Variants in KLRG1 observed in about 807,000 individuals in gnomAD.
KLRG1 encodes killer cell lectin-like receptor subfamily G member 1.
Under a neutral mutation model 21.8 loss-of-function variants are expected in KLRG1, and 16 were observed. The observed-to-expected ratio is 0.73, with a 90% CI of 0.50 to 1.11. The LOEUF is 1.11. KLRG1 is among the 50% of genes most tolerant of loss of function. KLRG1 has a pLI of 0.00. For synonymous variants in KLRG1, 69 were observed against 75.9 expected, an observed-to-expected ratio of 0.91 and a Z score of 0.47; for missense variants, 173 against 218.3, an observed-to-expected ratio of 0.79 and a Z score of 1.31.
the KLRG1 span, among the ~76,000 whole-genome samples, chr12:9,133,009 T>C: frequency 6.6e-6 from 1 of 152,170 alleles, no homozygotes; most frequent in South Asian, 2.1e-4. Flanking sequence ...ATAGGCACCT[T>C]GCTTATTTCA....
Position 8,974,360 on chromosome 12 carries a change from G to T in KLRG1, c.-155-17846G>T, listed in dbSNP as rs906409964. Reference sequence around the variant, plus strand: ...TTTTTTGTATTTTTAGTAGAGACGGGGTTTCACCGTGTTAGCCAGGATGGT... The same window carrying T: ...TTTTTTGTATTTTTAGTAGAGACGGTGTTTCACCGTGTTAGCCAGGATGGT... On this transcript the variant is annotated intron_variant, in intron 1 of 4. Coordinates refer to the KLRG1 transcript ENST00000539240. 3.5e-4 allele frequency among the ~76,000 whole-genome samples: 53 copies of T among 151,844 alleles called. 1 individual carries two copies. The highest frequency in any genetic ancestry group is 1.2e-3 in the African/African-American group (51 of 41,324).
rs143661964 is a variant in KLRG1, at chr12:9,005,006, C to T, written c.358-3969C>T. Among the ~76,000 whole-genome samples, 23 of 152,182 alleles carry T rather than the reference C, an allele frequency of 1.5e-4. No individual in the cohort carries two copies. In the East Asian group the frequency reaches 4.2e-3, roughly 28 times the overall value. On this transcript the variant is annotated intron_variant, in intron 3 of 4. Transcript: ENST00000356986. ...TCAGTATGTTGAAGAGATATGTTCA[C>T]TCTCATATGTATTGTAGCAATATTG...
the KLRG1 span, among the ~76,000 whole-genome samples, chr12:9,205,849 A>C: frequency 6.6e-6 from 1 of 152,200 alleles, no homozygotes; most frequent in Non-Finnish European, 1.5e-5. Context: ...GAATCCAAGG[A>C]TAATTGAGTT....
chr12:9,160,523 A>G, the KLRG1 span: 99 of 1,589,398 alleles, frequency 6.2e-5, no homozygotes, highest in East Asian at 2.1e-3. Flanking sequence ...TGTCAGAATA[A>G]TTTCAGTTCA....
chr12:9,109,727 G>T, the KLRG1 span: 3 of 800,762 alleles, frequency 3.7e-6, no homozygotes, highest in Non-Finnish European at 5.9e-6. Context: ...TGTCCTCATT[G>T]GACTTAGGTG....
chr12:8,954,807 T>G (rs1415824128), intron 1 of KLRG1, among the ~76,000 whole-genome samples: 1 of 152,230 alleles, frequency 6.6e-6, no homozygotes, highest in Admixed American at 6.5e-5. Flanking sequence ...TTTTAACTGA[T>G]AAGCCATACG....
the KLRG1 span, among the ~76,000 whole-genome samples, chr12:9,028,517 C>T: frequency 6.7e-6 from 1 of 150,320 alleles, no homozygotes; most frequent in Non-Finnish European, 1.5e-5. Flanking sequence ...GATCTCTGCT[C>T]ACTGCAACCT....
chr12:9,093,959 G>T, the KLRG1 span, among the ~76,000 whole-genome samples: 1 of 152,058 alleles, frequency 6.6e-6, no homozygotes, highest in African/African-American at 2.4e-5. Flanking sequence ...GCTGGGGGAG[G>T]AGGGTCATAA....
chr12:9,147,001 C>G, the KLRG1 span, among the ~76,000 whole-genome samples: 14 of 152,198 alleles, frequency 9.2e-5, no homozygotes, highest in Non-Finnish European at 8.8e-5. Flanking sequence ...TTAATGGCAT[C>G]TAGAATTCCA....
the KLRG1 span, chr12:9,153,213 T>C: frequency 6.2e-7 from 1 of 1,614,026 alleles, no homozygotes. Context: ...TAATAGGAGG[T>C]TGTTGTTGTC....
the KLRG1 span, chr12:9,150,536 G>A: frequency 6.8e-6 from 5 of 738,140 alleles, no homozygotes; most frequent in Non-Finnish European, 1.1e-5. Context: ...TTGGAGGAAA[G>A]AAACAAAAGA....
chr12:9,203,337 CTTT>C, the KLRG1 span, among the ~76,000 whole-genome samples: 878 of 114,524 alleles, frequency 7.7e-3, 4 homozygotes, highest in East Asian at 0.03. Context: ...AACTACATTC[CTTT>C]TTTTTTTTTT....
the KLRG1 span, chr12:9,164,278 C>T: frequency 6.2e-7 from 1 of 1,610,084 alleles, no homozygotes; most frequent in Non-Finnish European, 8.5e-7. Context: ...CCATGTGAGG[C>T]AGAGACAGAA....
the KLRG1 span, among the ~76,000 whole-genome samples, chr12:9,095,239 T>C: frequency 6.6e-6 from 1 of 152,258 alleles, no homozygotes; most frequent in Non-Finnish European, 1.5e-5. Flanking sequence ...TACTTAAGGA[T>C]GTAATTTTAT....
the KLRG1 span, among the ~76,000 whole-genome samples, chr12:9,134,249 C>A: frequency 6.6e-6 from 1 of 152,110 alleles, no homozygotes. Context: ...TCCATCATTC[C>A]CCACCTCAAG....
At chr12:9,091,731 C>T in the KLRG1 span, among the ~76,000 whole-genome samples, 1 of 152,134 alleles carries the variant, frequency 6.6e-6, no homozygotes, top group East Asian at 1.9e-4. Context: ...CTGAGGGCTG[C>T]TTTATAATTT....
intron 4 of KLRG1, among the ~76,000 whole-genome samples, 161 bp downstream of exon 4, chr12:9,009,236 G>GGAA (rs1947570070): frequency 1.1e-5 from 1 of 93,274 alleles, no homozygotes; most frequent in African/African-American, 6.6e-5. Flanking sequence ...ATGGGTAAGG[G>GGAA]CAAAAAAAAA....
chr12:9,056,571 G>C, the KLRG1 span, among the ~76,000 whole-genome samples: 1 of 151,958 alleles, frequency 6.6e-6, no homozygotes, highest in African/African-American at 2.4e-5. Context: ...GGGGGTGTGT[G>C]TGTGTGTGTG....
intron 3 of KLRG1, among the ~76,000 whole-genome samples, chr12:9,005,266 T>C (rs1947437867): frequency 6.6e-6 from 1 of 152,108 alleles, no homozygotes; most frequent in Non-Finnish European, 1.5e-5. Flanking sequence ...GACTAGTTGA[T>C]GGGTGCAGTA....
Sources: allele counts gnomAD v4.1 joint callset (sites outside exome capture counted in the v4.1 genomes callset), GRCh38; gene constraint gnomAD v4.1.1; transcripts MANE v1.5; gene names NCBI Gene and HGNC (gene_info 2026-07-23, HGNC 2026-07-21).